Variants in CAST observed in about 807,000 individuals in gnomAD.
The protein encoded by CAST is calpastatin.
In CAST, 76 loss-of-function variants were observed where a neutral mutation model predicts 119.6. The ratio of observed to expected loss-of-function variants is 0.64; its 90% CI spans 0.53 to 0.77. CAST has a LOEUF of 0.77. Ranked by LOEUF, CAST falls within the 30% of genes least tolerant of loss-of-function variation. The pLI, the probability that CAST is intolerant of heterozygous loss-of-function variation, is 0.00. For synonymous variants in CAST, 319 were observed against 331.6 expected, an observed-to-expected ratio of 0.96 and a Z score of 0.41; for missense variants, 953 against 946.5, an observed-to-expected ratio of 1.01 and a Z score of -0.09.
At chr5:96,395,367 AAGTC>A in the CAST span, among the ~76,000 whole-genome samples, 1 of 152,210 alleles carries the variant, frequency 6.6e-6, no homozygotes, top group Non-Finnish European at 1.5e-5. Flanking sequence ...ACTGGGAAAA[AAGTC>A]AGCCTCTATG....
the CAST span, among the ~76,000 whole-genome samples, chr5:96,120,501 GT>G: frequency 6.6e-6 from 1 of 151,096 alleles, no homozygotes; most frequent in Non-Finnish European, 1.5e-5. Flanking sequence ...TTTTCTTTTG[GT>G]ATAATGGTTC....
At chr5:96,413,448 A>ATGATATGAAAT in the CAST span, among the ~76,000 whole-genome samples, 1 of 152,234 alleles carries the variant, frequency 6.6e-6, no homozygotes, top group Admixed American at 6.5e-5. Context: ...CAAAGGTAAA[A>ATGATATGAAAT]TGATATGAAA....
the CAST span, among the ~76,000 whole-genome samples, chr5:96,196,950 T>C: frequency 6.6e-6 from 1 of 152,212 alleles, no homozygotes; most frequent in Admixed American, 6.5e-5. Context: ...TGCTTTTGAC[T>C]GAAGGAATGA....
chr5:96,561,370 A>AC (rs1402631123), intron 1 of CAST, among the ~76,000 whole-genome samples: 1 of 151,156 alleles, frequency 6.6e-6, no homozygotes, highest in Non-Finnish European at 1.5e-5. Flanking sequence ...AAAAGAAAAA[A>AC]AGGAAAATAA....
the CAST span, among the ~76,000 whole-genome samples, chr5:96,339,548 C>T: frequency 6.6e-6 from 1 of 152,166 alleles, no homozygotes; most frequent in East Asian, 1.9e-4. Context: ...CCCAAAAGTG[C>T]AAAGAGATCT....
At chr5:96,651,454 C>T (rs1748093603) in intron 1 of CAST, among the ~76,000 whole-genome samples, 1 of 152,186 alleles carries the variant, frequency 6.6e-6, no homozygotes, top group South Asian at 2.1e-4. Flanking sequence ...AGAAATCCTA[C>T]TGGATAGATG....
chr5:96,412,323 T>G, the CAST span: 1 of 1,613,942 alleles, frequency 6.2e-7, no homozygotes, highest in African/African-American at 1.3e-5. Flanking sequence ...CTTACCTGTT[T>G]GACACCATAT....
At chr5:96,339,302 T>C in the CAST span, among the ~76,000 whole-genome samples, 1 of 152,054 alleles carries the variant, frequency 6.6e-6, no homozygotes, top group Non-Finnish European at 1.5e-5. Flanking sequence ...TCTATAAAAA[T>C]AGAACCAAGT....
upstream of CAST, chr5:96,662,341 C>G (rs1748642111): frequency 3.5e-6 from 3 of 865,850 alleles, no homozygotes; most frequent in Non-Finnish European, 4.6e-6. Flanking sequence ...CCCTCCCTCT[C>G]TCCCTGGCAG....
intron 3 of CAST, among the ~76,000 whole-genome samples, chr5:96,708,402 C>T (rs1294360954): frequency 1.3e-5 from 2 of 152,050 alleles, no homozygotes; most frequent in Non-Finnish European, 2.9e-5. Context: ...TATATTTTCA[C>T]CTATTTTTGA....
chr5:95,976,396 C>A, the CAST span, among the ~76,000 whole-genome samples: 2 of 151,986 alleles, frequency 1.3e-5, no homozygotes, highest in African/African-American at 4.8e-5. Context: ...CATATTCAGA[C>A]AAAGTTCTGC....
chr5:96,176,321 G>A, the CAST span, among the ~76,000 whole-genome samples: 1 of 152,308 alleles, frequency 6.6e-6, no homozygotes, highest in South Asian at 2.1e-4. Context: ...TTACAGATAA[G>A]CTTTGCTGAA....
At chr5:96,111,768 A>G in the CAST span, among the ~76,000 whole-genome samples, 11 of 152,324 alleles carry the variant, frequency 7.2e-5, no homozygotes, top group East Asian at 1.9e-3. Context: ...AGTCAAGGTT[A>G]TATGTTGGAG....
the CAST span, among the ~76,000 whole-genome samples, chr5:96,022,636 A>C: frequency 2.0e-5 from 3 of 152,220 alleles, no homozygotes. Context: ...GCAAGAATGG[A>C]ATAAAGCTCT....
chr5:96,574,835 A>G (rs1746639650), intron 1 of CAST, among the ~76,000 whole-genome samples: 2 of 152,134 alleles, frequency 1.3e-5, no homozygotes, highest in Non-Finnish European at 1.5e-5. Flanking sequence ...CACCATACGA[A>G]ACAGCACATT....
chr5:96,475,826 T>A, the CAST span, among the ~76,000 whole-genome samples: 1 of 152,122 alleles, frequency 6.6e-6, no homozygotes, highest in African/African-American at 2.4e-5. Flanking sequence ...AGGTGGCAGC[T>A]CACCTTCTCA....
intron 2 of CAST, chr5:96,679,327 A>C (rs944467602): frequency 2.0e-5 from 3 of 152,230 alleles, no homozygotes; most frequent in African/African-American, 7.2e-5. Context: ...ATGTAGAGGA[A>C]TTACAGGACC....
At chr5:96,747,799 A>G (rs964884310) in intron 18 of CAST, among the ~76,000 whole-genome samples, 1 of 152,190 alleles carries the variant, frequency 6.6e-6, no homozygotes, top group African/African-American at 2.4e-5. Flanking sequence ...CTGGCACTGC[A>G]CCAAATGCTT....
At chr5:96,716,432 C>T (rs1371067800) in intron 3 of CAST, among the ~76,000 whole-genome samples, 5 of 152,256 alleles carry the variant, frequency 3.3e-5, no homozygotes, top group African/African-American at 1.2e-4. Flanking sequence ...TGGTTTTGTG[C>T]CATAAAATAA....
Sources: allele counts gnomAD v4.1 joint callset (sites outside exome capture counted in the v4.1 genomes callset), GRCh38; gene constraint gnomAD v4.1.1; transcripts MANE v1.5; gene names NCBI Gene and HGNC (gene_info 2026-07-23, HGNC 2026-07-21).